Variants in ZNF416 observed in about 807,000 individuals in gnomAD.
ZNF416 encodes the protein zinc finger protein 416.
ZNF416 carries 5 observed loss-of-function variants against 10.9 expected under a neutral mutation model. That is an observed-to-expected ratio of 0.46 (90% CI 0.24 to 0.97). The LOEUF (loss-of-function observed/expected upper bound fraction) is 0.97. Among genes scored for constraint, ZNF416 ranks in the 50% least tolerant of loss-of-function variants. The pLI, the probability that ZNF416 is intolerant of heterozygous loss-of-function variation, is 0.19. For synonymous variants in ZNF416, 267 were observed against 251.8 expected (o/e 1.06, Z -0.57); for missense variants, 675 against 715.0 (o/e 0.94, Z 0.64).
Position 57,572,182 on chromosome 19 carries a change from C to T in ZNF416, c.1722G>A (p.Val574=), listed in dbSNP as rs1242263214. Residue 574 remains valine (V), a synonymous_variant, in exon 4 of 4, where the codon GTG becomes GTA. Coordinates refer to ENST00000196489, the MANE Select transcript of ZNF416 (RefSeq NM_017879.3). This position sits in a 1 kb window ranked among gnomAD's most constrained non-coding sequence, Gnocchi z 4.5. ...ATTTGCTGCTGTCACGAGGCCTCTC[C>T]ACAGTGTGAGATTTTCGGTGGAGAA... The part of the protein sequence containing the change: ...GLILHRKSHT[V]ERPRDSSKCG... 1 of 1,614,158 alleles carries T rather than the reference C, an allele frequency of 6.2e-7. No individual in the cohort carries two copies.
In ZNF416 at chr19:57,574,022, AAAAAC is replaced by A. The variant is rs1167636627; in HGVS notation, c.203-326_203-322del. ...CTGGGAGACAAAGCGAAACTGTCTC[AAAAAC>A]AAAACAAAACAAAACAAAATAAAAA... On this transcript the variant is annotated intron_variant, in intron 3 of 3. Coordinates refer to ENST00000196489, the MANE Select transcript of ZNF416 (RefSeq NM_017879.3). 3.9e-5 allele frequency among the ~76,000 whole-genome samples: 6 copies of A among 152,162 alleles called. No individual in the cohort carries two copies. The South Asian group carries it at 8.3e-4, about 21-fold the overall frequency.
chr19:57,575,855 G>A lies in ZNF416; in HGVS notation c.151C>T (p.Leu51Phe). The A allele has an allele frequency of 6.2e-7, 1 of 1,614,114 alleles. No individual in the cohort carries two copies. Among genetic ancestry groups the A allele is most frequent in the South Asian group, 1.1e-5 (1 of 91,076 alleles). The change falls in exon 3 of 4, where the codon CTC becomes TTC. Residue 51 changes from leucine (L) to phenylalanine (F), a missense_variant. Coordinates refer to ENST00000196489, the MANE Select transcript of ZNF416 (RefSeq NM_017879.3). This position sits in a 1 kb window ranked among gnomAD's most constrained non-coding sequence, Gnocchi z 4.4. Reference protein sequence around the residue: ...EWGLLDEAQRLLYRDVMLENF... With the variant: ...EWGLLDEAQRFLYRDVMLENF... ...TCCAGCATCACATCGCGGTACAGGAGCCTCTGAGCCTCATCAAGGAGCCCC... is the reference window on the plus strand; with the variant it reads ...TCCAGCATCACATCGCGGTACAGGAACCTCTGAGCCTCATCAAGGAGCCCC...
At position 57,571,839 on chromosome 19, in the gene ZNF416, G is replaced by T. The variant is rs1310442181; in HGVS notation, c.*280C>A. 3 of 371,010 alleles carry T rather than the reference G, an allele frequency of 8.1e-6. No homozygotes were observed. The highest frequency in any genetic ancestry group is 1.5e-5 in the Non-Finnish European group (3 of 204,972). 23.0% of individuals were successfully genotyped at this position (371,010 alleles called of 1,614,324 possible). A position where few individuals can be genotyped will look rare whatever the true frequency, so the allele number is the denominator to read the frequency against. ...TCAAGGAATTTCCTCCAAGGGTTGGGAGAACACAGGTGTATCTGCCTCGCC... is the reference window on the plus strand; with the variant it reads ...TCAAGGAATTTCCTCCAAGGGTTGGTAGAACACAGGTGTATCTGCCTCGCC... On this transcript the variant is annotated 3_prime_UTR_variant, in exon 4 of 4. Coordinates refer to ENST00000196489, the MANE Select transcript of ZNF416 (RefSeq NM_017879.3).
Position 57,577,163 on chromosome 19 carries a change from T to C in ZNF416, c.75+894A>G, listed in dbSNP as rs141338669. On this transcript the variant is annotated intron_variant, in intron 2 of 3. Transcript: ENST00000196489. ...TTTAAATGTCTCTATCCTGAATCCCTCAACACAGTTCTAGTCCTGTAGGAT... is the reference window on the plus strand; with the variant it reads ...TTTAAATGTCTCTATCCTGAATCCCCCAACACAGTTCTAGTCCTGTAGGAT... 3.7e-3 allele frequency among the ~76,000 whole-genome samples: 568 copies of C among 152,274 alleles called. 3 individuals are homozygous for C. Among genetic ancestry groups the C allele is most frequent in the African/African-American group, 0.013 (548 of 41,544 alleles).
rs775218756 is a variant in ZNF416, at chr19:57,573,433, T to C, written c.471A>G (p.Ser157=). ...CATGGAACAGGCAGCACTGCACAAA[T>C]GAGGCCTTGTCCATGTCACTTTCCA... The part of the protein sequence containing the change: ...KPLESDMDKA[S]FVQCCLFHES... Residue 157 remains serine (S), a synonymous_variant, in exon 4 of 4, where the codon TCA becomes TCG. Transcript: ENST00000196489. 2 of 1,614,254 alleles carry C rather than the reference T, an allele frequency of 1.2e-6. No homozygotes were observed. The highest frequency in any genetic ancestry group is 1.7e-6 in the Non-Finnish European group (2 of 1,180,046).
chr19:57,572,752 A>G lies in ZNF416; in HGVS notation c.1152T>C (p.Cys384=). Residue 384 remains cysteine (C), a synonymous_variant, in exon 4 of 4, where the codon TGT becomes TGC. Transcript: ENST00000196489. The surrounding 1 kb of genome is among the most constrained non-coding windows in gnomAD (Gnocchi z 4.5). The part of the protein sequence containing the change: ...RTHTGEKPYE[C]GECGKLFRQS... ...GTCTGAATAATTTCCCACATTCACC[A>G]CACTCATATGGCTTTTCTCCTGTGT... The G allele has an allele frequency of 6.2e-7, 1 of 1,613,882 alleles. No homozygotes were observed. The highest frequency in any genetic ancestry group is 8.5e-7 in the Non-Finnish European group (1 of 1,179,972).
At position 57,572,999 on chromosome 19, in the gene ZNF416, T is replaced by C. The variant is rs1342658288; in HGVS notation, c.905A>G (p.Gln302Arg). Residue 302 changes from glutamine (Q) to arginine (R), a missense_variant, in exon 4 of 4, where the codon CAG becomes CGG. Transcript: ENST00000196489. The surrounding 1 kb of genome is among the most constrained non-coding windows in gnomAD (Gnocchi z 4.5). ...HTGERPYVCG[Q>R]CGKSFSQRAT... ...TCTTTGGCTAAATGATTTCCCACAC[T>C]GACCACACACATAAGGCCTTTCTCC... 6.2e-7 allele frequency: 1 copy of C among 1,614,216 alleles called. No homozygotes were observed. Among genetic ancestry groups the C allele is most frequent in the Admixed American group, 1.7e-5 (1 of 60,028 alleles).
rs2090197681 is a variant in ZNF416 at position 57,572,278 on chromosome 19, C to T, written c.1626G>A (p.Val542=). The change falls in exon 4 of 4, where the codon GTG becomes GTA. Residue 542 remains valine, a synonymous_variant. Transcript: ENST00000196489. The surrounding 1 kb of genome is among the most constrained non-coding windows in gnomAD (Gnocchi z 4.5). ...IQKSSLIQHQ[V]VHTGERPYEC... ...CATATGGCCTTTCTCCTGTGTGAAC[C>T]ACTTGGTGTTGAATGAGGCTAGACT... 6.2e-7 allele frequency: 1 copy of T among 1,613,324 alleles called. No individual in the cohort carries two copies. Among genetic ancestry groups the T allele is most frequent in the Non-Finnish European group, 8.5e-7 (1 of 1,179,760 alleles).
chr19:57,578,034 G>A, intron 2 of ZNF416, 23 bp downstream of exon 2: 2 of 1,613,868 alleles, frequency 1.2e-6, no homozygotes, highest in Non-Finnish European at 1.7e-6. Context: ...CATCAGTGAG[G>A]GCCCGAAACA....
chr19:57,578,724 G>T lies in ZNF416; in HGVS notation c.-20C>A. The T allele has an allele frequency of 1.4e-6, 2 of 1,478,864 alleles. No individual in the cohort carries two copies. Among genetic ancestry groups the T allele is most frequent in the Non-Finnish European group, 1.8e-6 (2 of 1,111,412 alleles). 91.6% of individuals were successfully genotyped at this position (1,478,864 alleles called of 1,614,324 possible). On this transcript the variant is annotated 5_prime_UTR_variant, in exon 1 of 4. Transcript: ENST00000196489. ...CGCCATCGGATTGTGAGCGGAGCGG[G>T]GCCGGGAGCGGCGGGCGACCCGGGG...
rs142977653 is a variant in ZNF416 at position 57,574,247 on chromosome 19, A to G, written c.203-546T>C. 3.3e-3 allele frequency among the ~76,000 whole-genome samples: 506 copies of G among 152,300 alleles called. 3 individuals carry two copies. Among genetic ancestry groups the G allele is most frequent in the Non-Finnish European group, 5.3e-3 (362 of 68,028 alleles). ...TAGTCATCCCAAGGTCAGGCAGGAG[A>G]CAACTACGCCTAGTGAGCCCCTTTG... On this transcript the variant is annotated intron_variant, in intron 3 of 3. Transcript: ENST00000196489.
rs758127456 is a variant in ZNF416, at chr19:57,572,880, T to A, written c.1024A>T (p.Ile342Phe). The A allele has an allele frequency of 5.6e-6, 9 of 1,613,544 alleles. No individual in the cohort carries two copies. The highest frequency in any genetic ancestry group is 7.6e-6 in the Non-Finnish European group (9 of 1,179,836). Residue 342 changes from isoleucine (I) to phenylalanine (F), a missense_variant, in exon 4 of 4, where the codon ATT becomes TTT. Ile to Phe is a conservative substitution (Grantham distance 21). Transcript: ENST00000196489. The surrounding 1 kb of genome is among the most constrained non-coding windows in gnomAD (Gnocchi z 4.5). ...CCAGTGTGAATTCTGCAATGTTCAA[T>A]AAGGTTGGAACTTTGGCTAAAAGAT... ...GKSFSQSSNL[I>F]EHCRIHTGER...
chr19:57,573,680 T>C lies in ZNF416; in HGVS notation c.224A>G (p.Asp75Gly). 2 of 1,611,510 alleles carry C rather than the reference T, an allele frequency of 1.2e-6. No individual in the cohort carries two copies. Among genetic ancestry groups the C allele is most frequent in the Non-Finnish European group, 1.7e-6 (2 of 1,177,836 alleles). The change falls in exon 4 of 4, where the codon GAT becomes GGT. Residue 75 changes from aspartate to glycine, a missense_variant. Transcript: ENST00000196489. ...AACACTTTGCTCAGGTGTCTCTTCA[T>C]CCTCCATCCCATGCCAACAAACTGA... ...TALVCWHGME[D>G]EETPEQSVSV...
rs141955887 is a variant in ZNF416, at chr19:57,574,397, C to T, written c.203-696G>A. ...CTCCTCTCTTGCTTCTACCTTCTGA[C>T]CACTGAGCACTTCCTCATGTGGCCC... On this transcript the variant is annotated intron_variant, in intron 3 of 3. Transcript: ENST00000196489. Among the ~76,000 whole-genome samples the T allele has an allele frequency of 2.6e-3, 400 of 152,348 alleles. 1 individual carries two copies. The highest frequency in any genetic ancestry group is 8.4e-3 in the African/African-American group (348 of 41,590).
chr19:57,578,759 A>C lies in ZNF416; in HGVS notation c.-55T>G. On this transcript the variant is annotated 5_prime_UTR_variant, in exon 1 of 4. Coordinates refer to ENST00000196489, the MANE Select transcript of ZNF416 (RefSeq NM_017879.3). Reference sequence around the variant, plus strand: ...GGCGGGCGACCCGGGGCGGGAACCCAGGCACGGCTGCCACCAGCGCCAGCG... The same window carrying C: ...GGCGGGCGACCCGGGGCGGGAACCCCGGCACGGCTGCCACCAGCGCCAGCG... 1 of 1,411,240 alleles carries C rather than the reference A, an allele frequency of 7.1e-7. No homozygotes were observed. The highest frequency in any genetic ancestry group is 9.3e-7 in the Non-Finnish European group (1 of 1,074,856). 87.4% of individuals were successfully genotyped at this position (1,411,240 alleles called of 1,614,324 possible). A position where few individuals can be genotyped will look rare whatever the true frequency, so the allele number is the denominator to read the frequency against.
rs190814308 is a variant in ZNF416, at chr19:57,577,948, T to C, written c.75+109A>G. 3 of 1,210,622 alleles carry C rather than the reference T, an allele frequency of 2.5e-6. No individual in the cohort carries two copies. In the Admixed American group the frequency reaches 5.2e-5, roughly 21 times the overall value. 75.0% of individuals were successfully genotyped at this position (1,210,622 alleles called of 1,614,324 possible). ...CCTGGGACTGATGTTTGTTCAGGAT[T>C]CCTAGAACCAAGGACCCAAAGAGTG... On this transcript the variant is annotated intron_variant, in intron 2 of 3. Transcript: ENST00000196489.
intron 2 of ZNF416, among the ~76,000 whole-genome samples, chr19:57,576,370 C>T (rs1364100786): frequency 6.6e-6 from 1 of 152,162 alleles, no homozygotes; most frequent in African/African-American, 2.4e-5. Context: ...ACTCCCACGG[C>T]TATTTCCACC....
chr19:57,572,729 C>T lies in ZNF416; in HGVS notation c.1175G>A (p.Arg392Lys), dbSNP rs1385477731. ...YECGECGKLF[R>K]QSFSLVVHQR... Reference sequence around the variant, plus strand: ...GTGTACAACAAGGCTGAAGCTTTGTCTGAATAATTTCCCACATTCACCACA... The same window carrying T: ...GTGTACAACAAGGCTGAAGCTTTGTTTGAATAATTTCCCACATTCACCACA... Residue 392 changes from arginine (R) to lysine (K), a missense_variant, in exon 4 of 4, where the codon AGA becomes AAA. Coordinates refer to ENST00000196489, the MANE Select transcript of ZNF416 (RefSeq NM_017879.3). This position sits in a 1 kb window ranked among gnomAD's most constrained non-coding sequence, Gnocchi z 4.5. 6.2e-7 allele frequency: 1 copy of T among 1,614,078 alleles called. No homozygotes were observed. Among genetic ancestry groups the T allele is most frequent in the Non-Finnish European group, 8.5e-7 (1 of 1,180,012 alleles).
In ZNF416 at chr19:57,578,043, C is replaced by T. The variant is rs1415382517; in HGVS notation, c.75+14G>A. 2 of 1,614,144 alleles carry T rather than the reference C, an allele frequency of 1.2e-6. No individual in the cohort carries two copies. Among genetic ancestry groups the T allele is most frequent in the Admixed American group, 1.7e-5 (1 of 60,018 alleles). On this transcript the variant is annotated intron_variant, in intron 2 of 3. Coordinates refer to ENST00000196489, the MANE Select transcript of ZNF416 (RefSeq NM_017879.3). ...GGTCAGCATCAGTGAGGGCCCGAAA[C>T]ACTCTCCACTCACCTGTGTAAAGCC...
Sources: allele counts gnomAD v4.1 joint callset (sites outside exome capture counted in the v4.1 genomes callset), GRCh38; gene constraint gnomAD v4.1.1; non-coding constraint Gnocchi (gnomAD v3.1); transcripts MANE v1.5; gene names NCBI Gene and HGNC (gene_info 2026-07-23, HGNC 2026-07-21).